CRIPT: variants seen among roughly 807,000 people sequenced by gnomAD.
CRIPT encodes the protein cysteine-rich PDZ-binding protein.
A neutral mutation model predicts 16.6 loss-of-function variants in CRIPT; 20 were observed. That is an observed-to-expected ratio of 1.20 (90% confidence interval 0.85 to 1.75). CRIPT has a LOEUF of 1.75. Ranked by LOEUF, CRIPT falls within the 40% of genes most tolerant of loss-of-function variation. CRIPT has a pLI of 0.00. For missense variants in CRIPT, 133 were observed against 115.3 expected (o/e 1.15, Z -0.70); for synonymous variants, 42 against 37.0 (o/e 1.14, Z -0.49).
Position 46,618,818 on chromosome 2 carries a change from A to G in CRIPT, c.62A>G (p.Asp21Gly). The stretch of plus-strand genomic sequence containing the variant: ...GTTATCACTCCAGATACATGGAAAG[A>G]TGGTGCTAGGAATACCACAGGTATT... Reference protein sequence around the residue: ...GTVITPDTWKDGARNTTESGG... With the variant: ...GTVITPDTWKGGARNTTESGG... Residue 21 changes from aspartate to glycine, a missense_variant, in exon 2 of 5, where the codon GAT (aspartate) becomes GGT (glycine). Transcript: ENST00000238892. The G allele has an allele frequency of 1.2e-6, 2 of 1,606,816 alleles. No individual in the cohort carries two copies. Among genetic ancestry groups the G allele is most frequent in the South Asian group, 1.1e-5 (1 of 90,240 alleles).
chr2:46,626,452 A>G lies in CRIPT; in HGVS notation c.*2225A>G, dbSNP rs1670941939. ...TTTATTTTCATTTGGATTTATATCCAGTCATGGGATTGCTGGTTCAAATGG... is the reference window on the plus strand; with the variant it reads ...TTTATTTTCATTTGGATTTATATCCGGTCATGGGATTGCTGGTTCAAATGG... On this transcript the variant is annotated 3_prime_UTR_variant, in exon 5 of 5. Coordinates refer to ENST00000238892, the MANE Select transcript of CRIPT (RefSeq NM_014171.6). Among the ~76,000 whole-genome samples the G allele has an allele frequency of 6.6e-6, 1 of 152,218 alleles. No homozygotes were observed. The highest frequency in any genetic ancestry group is 6.5e-5 in the Admixed American group (1 of 15,278).
chr2:46,621,654 C>T (rs1244423493), intron 3 of CRIPT, among the ~76,000 whole-genome samples: 1 of 152,174 alleles, frequency 6.6e-6, no homozygotes, highest in African/African-American at 2.4e-5. Flanking sequence ...GTATTTAGAA[C>T]AGTAAATACC....
At chr2:46,620,728 T>C (rs942427753) in intron 3 of CRIPT, among the ~76,000 whole-genome samples, 16 of 147,828 alleles carry the variant, frequency 1.1e-4, no homozygotes, top group African/African-American at 3.7e-4. Flanking sequence ...ATATATATTA[T>C]AATATTATTA....
At chr2:46,619,486 T>C in intron 2 of CRIPT, 141 bp from the exon 3 acceptor site, 1 of 522,412 alleles carries the variant, frequency 1.9e-6, no homozygotes, top group Non-Finnish European at 3.4e-6. Flanking sequence ...TTTTAAGCAG[T>C]ATCTTAATAA....
intron 3 of CRIPT, among the ~76,000 whole-genome samples, chr2:46,621,072 A>C (rs1320918385): frequency 6.6e-6 from 1 of 152,186 alleles, no homozygotes; most frequent in Non-Finnish European, 1.5e-5. Context: ...TCTTACTTGG[A>C]ACTGTAATAA....
Position 46,629,866 on chromosome 2 carries a change from C to G in CRIPT, c.*5639C>G, listed in dbSNP as rs902427807. On this transcript the variant is annotated 3_prime_UTR_variant, in exon 5 of 5. Transcript: ENST00000238892. ...CTGTTCCTCATCAAATCTACCCCTC[C>G]TAGGTTTAGCATCCTTTGACGATTC... Among the ~76,000 whole-genome samples, 4 of 152,130 alleles carry G rather than the reference C, an allele frequency of 2.6e-5. No homozygotes were observed. The highest frequency in any genetic ancestry group is 4.4e-5 in the Non-Finnish European group (3 of 68,006).
intron 1 of CRIPT, among the ~76,000 whole-genome samples, chr2:46,617,947 T>C (rs1572793266): frequency 6.6e-6 from 1 of 151,586 alleles, no homozygotes; most frequent in African/African-American, 2.4e-5. Flanking sequence ...CTCTTCACAT[T>C]TTGACCAAAC....
Position 46,617,228 on chromosome 2 carries a change from T to C in CRIPT, c.-55T>C. ...TACTTCCAAGTTGTAGTGTTGTTGT[T>C]TTCAGCCTGCTGCTGCTGCTGCTGT... On this transcript the variant is annotated 5_prime_UTR_variant, in exon 1 of 5. Coordinates refer to ENST00000238892, the MANE Select transcript of CRIPT (RefSeq NM_014171.6). 1 of 1,551,526 alleles carries C rather than the reference T, an allele frequency of 6.4e-7. No individual in the cohort carries two copies.
At chr2:46,624,029 A>C in intron 4 of CRIPT, 134 bp from the exon 5 acceptor site, 1 of 387,722 alleles carries the variant, frequency 2.6e-6, no homozygotes. Context: ...TTAAAATTAT[A>C]TATATATATA....
At position 46,628,528 on chromosome 2, in the gene CRIPT, C is replaced by T. The variant is rs1257028895; in HGVS notation, c.*4301C>T. Among the ~76,000 whole-genome samples, 1 of 152,212 alleles carries T rather than the reference C, an allele frequency of 6.6e-6. No homozygotes were observed. The highest frequency in any genetic ancestry group is 2.4e-5 in the African/African-American group (1 of 41,446). ...GATATTGATTCTTCTAGCTCATGAG[C>T]TTGGAATGTTTTTCCATTTGTTTGT... On this transcript the variant is annotated 3_prime_UTR_variant, in exon 5 of 5. Transcript: ENST00000238892.
chr2:46,629,798 T>G lies in CRIPT; in HGVS notation c.*5571T>G, dbSNP rs941716049. On this transcript the variant is annotated 3_prime_UTR_variant, in exon 5 of 5. Coordinates refer to ENST00000238892, the MANE Select transcript of CRIPT (RefSeq NM_014171.6). ...TTATTGTTTTTCCTTTTGCAATTAG[T>G]GGGTAATTTGTGAGGAGAAACTTTG... Among the ~76,000 whole-genome samples, 1 of 152,234 alleles carries G rather than the reference T, an allele frequency of 6.6e-6. No homozygotes were observed. The highest frequency in any genetic ancestry group is 2.4e-5 in the African/African-American group (1 of 41,456).
intron 3 of CRIPT, among the ~76,000 whole-genome samples, chr2:46,620,858 C>T (rs972967571): frequency 2.6e-5 from 4 of 151,622 alleles, no homozygotes; most frequent in African/African-American, 7.3e-5. Flanking sequence ...TTTTTCCTTC[C>T]GTCTTCTCAT....
At chr2:46,620,833 C>CT (rs1670784324) in intron 3 of CRIPT, among the ~76,000 whole-genome samples, 1 of 151,636 alleles carries the variant, frequency 6.6e-6, no homozygotes, top group Non-Finnish European at 1.5e-5. Context: ...CATTTAATGT[C>CT]TAACAGGCCA....
chr2:46,617,234 C>T lies in CRIPT; in HGVS notation c.-49C>T, dbSNP rs909128856. On this transcript the variant is annotated 5_prime_UTR_variant, in exon 1 of 5. Transcript: ENST00000238892. ...CAAGTTGTAGTGTTGTTGTTTTCAG[C>T]CTGCTGCTGCTGCTGCTGTTGCGGC... is the stretch of plus-strand genomic sequence containing the variant. 2.6e-6 allele frequency: 4 copies of T among 1,546,518 alleles called. No homozygotes were observed. Among genetic ancestry groups the T allele is most frequent in the South Asian group, 2.4e-5 (2 of 83,194 alleles).
In CRIPT at chr2:46,629,937, T is replaced by C. The variant is rs1248083575; in HGVS notation, c.*5710T>C. Among the ~76,000 whole-genome samples the C allele has an allele frequency of 6.6e-6, 1 of 152,212 alleles. No homozygotes were observed. The highest frequency in any genetic ancestry group is 2.4e-5 in the African/African-American group (1 of 41,448). ...TAGGATGTTTCCAAAATTGTGATTG[T>C]TCTAACTCTATTATTATTTCTGTAT... On this transcript the variant is annotated 3_prime_UTR_variant, in exon 5 of 5. Transcript: ENST00000238892.
rs914647083 is a variant in CRIPT, at chr2:46,626,728, A to G, written c.*2501A>G. Among the ~76,000 whole-genome samples, 1 of 150,620 alleles carries G rather than the reference A, an allele frequency of 6.6e-6. No individual in the cohort carries two copies. The highest frequency in any genetic ancestry group is 1.5e-5 in the Non-Finnish European group (1 of 67,666). On this transcript the variant is annotated 3_prime_UTR_variant, in exon 5 of 5. Transcript: ENST00000238892. ...ATTTATCTGATTAGTAATGTTGAGC[A>G]TTTTTTCATGTTTGTTAACCGCTTG...
rs1336478962 is a variant in CRIPT, at chr2:46,627,546, C to T, written c.*3319C>T. Among the ~76,000 whole-genome samples the T allele has an allele frequency of 6.6e-6, 1 of 151,706 alleles. No individual in the cohort carries two copies. The highest frequency in any genetic ancestry group is 1.9e-4 in the East Asian group (1 of 5,172). On this transcript the variant is annotated 3_prime_UTR_variant, in exon 5 of 5. Transcript: ENST00000238892. ...ACAACCTCCACCTCCCAGGCTCAAGCGATTCTCATGCCTCAGCCTCCCAAC... is the reference window on the plus strand; with the variant it reads ...ACAACCTCCACCTCCCAGGCTCAAGTGATTCTCATGCCTCAGCCTCCCAAC...
Position 46,624,311 on chromosome 2 carries a change from A to G in CRIPT, c.*84A>G, listed in dbSNP as rs1670882909. Reference sequence around the variant, plus strand: ...AGGCATAGATGTCAACTTACAGAATAACATGTTTTAAGATAATTAAGTTTA... The same window carrying G: ...AGGCATAGATGTCAACTTACAGAATGACATGTTTTAAGATAATTAAGTTTA... On this transcript the variant is annotated 3_prime_UTR_variant, in exon 5 of 5. Coordinates refer to ENST00000238892, the MANE Select transcript of CRIPT (RefSeq NM_014171.6). 1.2e-6 allele frequency: 1 copy of G among 831,886 alleles called. No homozygotes were observed. Among genetic ancestry groups the G allele is most frequent in the Non-Finnish European group, 1.8e-6 (1 of 554,820 alleles). 51.5% of individuals were successfully genotyped at this position (831,886 alleles called of 1,614,324 possible).
chr2:46,625,067 GT>G lies in CRIPT; in HGVS notation c.*843del, dbSNP rs201316537. 3 of 91,650 alleles carry G rather than the reference GT, an allele frequency of 3.3e-5. No homozygotes were observed. Among genetic ancestry groups the G allele is most frequent in the African/African-American group, 1.1e-4 (2 of 17,782 alleles). 5.7% of individuals were successfully genotyped at this position (91,650 alleles called of 1,614,324 possible). A position where few individuals can be genotyped will look rare whatever the true frequency, so the allele number is the denominator to read the frequency against. On this transcript the variant is annotated 3_prime_UTR_variant, in exon 5 of 5. Transcript: ENST00000238892. ...TCTTGACTCTCCCTTTTTAAAATTT[GT>G]TTGTTTTTTTTTTTTTTTTTTGGAT...
Sources: gnomAD v4.1 joint callset for allele counts (sites outside exome capture counted in the v4.1 genomes callset) on GRCh38, gnomAD v4.1.1 for gene constraint, MANE v1.5 for transcripts, NCBI Gene and HGNC (gene_info 2026-07-23, HGNC 2026-07-21) for gene names.